Variants in LCA5L observed in about 807,000 individuals in gnomAD.
LCA5L encodes the protein lebercilin LCA5 like.
In LCA5L, 35 loss-of-function variants were observed where a neutral mutation model predicts 45.4. The ratio of observed to expected loss-of-function variants is 0.77; its 90% CI spans 0.59 to 1.02. The LOEUF (loss-of-function observed/expected upper bound fraction) is 1.02. LCA5L is among the 50% of genes least tolerant of loss of function. The pLI is 0.00. For missense variants in LCA5L, 668 were observed against 761.6 expected, an observed-to-expected ratio of 0.88 and a Z score of 1.45; for synonymous variants, 233 against 264.7, an observed-to-expected ratio of 0.88 and a Z score of 1.16.
In LCA5L at chr21:39,423,535, A is replaced by C. The variant is rs373986807; in HGVS notation, c.323-45T>G. 26 of 1,455,444 alleles carry C rather than the reference A, an allele frequency of 1.8e-5. No homozygotes were observed. The African/African-American group carries it at 3.4e-4, about 19-fold the overall frequency. The allele number at this position is 1,455,444 out of a possible 1,614,324, so 90.2% of individuals were successfully genotyped here. A position where few individuals can be genotyped will look rare whatever the true frequency, so the allele number is the denominator to read the frequency against. On this transcript the variant is annotated intron_variant, in intron 5 of 10. Transcript: ENST00000288350. ...AGTTTATTACTAGTAAAATATACAGATATGCAAATATGCACATATGCATAA... is the reference window on the plus strand; with the variant it reads ...AGTTTATTACTAGTAAAATATACAGCTATGCAAATATGCACATATGCATAA...
chr21:39,411,571 G>T, intron 8 of LCA5L, 147 bp downstream of exon 8: 1 of 462,794 alleles, frequency 2.2e-6, no homozygotes, highest in East Asian at 3.4e-5. Context: ...CACCATCTCA[G>T]TCTCGTTATT....
intron 7 of LCA5L, among the ~76,000 whole-genome samples, chr21:39,416,320 G>A (rs1041228548): frequency 9.9e-5 from 15 of 152,158 alleles, no homozygotes; most frequent in Admixed American, 9.2e-4. Flanking sequence ...GTTTTAACCT[G>A]GGCAGTTATC....
chr21:39,421,313 G>C (rs762553477), intron 6 of LCA5L, among the ~76,000 whole-genome samples: 8 of 152,208 alleles, frequency 5.3e-5, no homozygotes, highest in Middle Eastern at 3.4e-3. Context: ...TGTTGGCCAG[G>C]CTGGTCTCAA....
At position 39,410,116 on chromosome 21, in the gene LCA5L, C is replaced by T; in HGVS notation, c.1165-20G>A. Reference sequence around the variant, plus strand: ...TTTACCCTGTAATTTAGAAAAGCAGCAAAAACACATTTTGGGGGGTCTAGA... The same window carrying T: ...TTTACCCTGTAATTTAGAAAAGCAGTAAAAACACATTTTGGGGGGTCTAGA... On this transcript the variant is annotated intron_variant, in intron 9 of 10. Coordinates refer to ENST00000288350, the MANE Select transcript of LCA5L (RefSeq NM_152505.4). 6.5e-7 allele frequency: 1 copy of T among 1,528,134 alleles called. No homozygotes were observed. Among genetic ancestry groups the T allele is most frequent in the African/African-American group, 1.4e-5 (1 of 73,104 alleles). 94.7% of individuals were successfully genotyped at this position (1,528,134 alleles called of 1,614,324 possible).
At chr21:39,411,495 AG>A (rs2040079594) in intron 8 of LCA5L, among the ~76,000 whole-genome samples, 1 of 152,222 alleles carries the variant, frequency 6.6e-6, no homozygotes, top group African/African-American at 2.4e-5. Context: ...ACCTGAAGAA[AG>A]GACATAAAGG....
intron 5 of LCA5L, among the ~76,000 whole-genome samples, chr21:39,427,531 G>A (rs1218502564): frequency 2.0e-5 from 3 of 152,000 alleles, no homozygotes; most frequent in Admixed American, 1.3e-4. Flanking sequence ...GCGTGGTGGT[G>A]GGTGCCTGTA....
Position 39,418,877 on chromosome 21 carries a change from T to G in LCA5L, c.975+1829A>C, listed in dbSNP as rs76682807. 9.6e-3 allele frequency among the ~76,000 whole-genome samples: 1,469 copies of G among 152,266 alleles called. 12 individuals carry two copies. The highest frequency in any genetic ancestry group is 0.016 in the Non-Finnish European group (1,070 of 68,014). Reference sequence around the variant, plus strand: ...GGAAGCATAAAATTTATTTTAAAATTCCCCAATTGTGTCTCCATATGTGTG... The same window carrying G: ...GGAAGCATAAAATTTATTTTAAAATGCCCCAATTGTGTCTCCATATGTGTG... On this transcript the variant is annotated intron_variant, in intron 7 of 10. Transcript: ENST00000288350.
intron 6 of LCA5L, chr21:39,421,880 A>C (rs1352500977): frequency 6.6e-6 from 1 of 152,226 alleles, no homozygotes; most frequent in Non-Finnish European, 1.5e-5. Context: ...TTTTGTATCA[A>C]AGAAAATAGT....
intron 6 of LCA5L, among the ~76,000 whole-genome samples, chr21:39,421,172 G>A (rs953147667): frequency 2.7e-5 from 4 of 149,074 alleles, no homozygotes; most frequent in Admixed American, 2.0e-4. Flanking sequence ...GTGCGATCTC[G>A]GCTCACTGCA....
At position 39,420,822 on chromosome 21, in the gene LCA5L, ACCT is replaced by A; in HGVS notation, c.856_858del (p.Arg286del). ...TGCCGGCTAAAGGCTCTGCAGTTCA[ACCT>A]CAGTTGTTTTTCCAAGCTCTGAAAA... On this transcript the variant is annotated inframe_deletion, in exon 7 of 11. Coordinates refer to ENST00000288350, the MANE Select transcript of LCA5L (RefSeq NM_152505.4). The A allele has an allele frequency of 6.2e-7, 1 of 1,612,634 alleles. No individual in the cohort carries two copies. Among genetic ancestry groups the A allele is most frequent in the Non-Finnish European group, 8.5e-7 (1 of 1,178,864 alleles).
chr21:39,444,483 G>T (rs2077215427), intron 1 of LCA5L, among the ~76,000 whole-genome samples: 1 of 152,132 alleles, frequency 6.6e-6, no homozygotes, highest in Admixed American at 6.6e-5. Flanking sequence ...TATGGAAGTT[G>T]TAATTTATAT....
At chr21:39,441,869 G>A (rs185094542) in intron 2 of LCA5L, among the ~76,000 whole-genome samples, 5 of 152,226 alleles carry the variant, frequency 3.3e-5, no homozygotes, top group Admixed American at 1.3e-4. Flanking sequence ...AACACACGGC[G>A]CTTAGTATCT....
At position 39,409,072 on chromosome 21, in the gene LCA5L, G is replaced by A. The variant is rs965540062; in HGVS notation, c.1282+907C>T. ...TATATTTGGAGACTGGGTCTTTAAG[G>A]AAGTAATTAAGGTTAAATGAGATCA... On this transcript the variant is annotated intron_variant, in intron 10 of 10. Transcript: ENST00000288350. This position sits in a 1 kb window ranked among gnomAD's most constrained non-coding sequence, Gnocchi z 4.2. Among the ~76,000 whole-genome samples, 11 of 152,292 alleles carry A rather than the reference G, an allele frequency of 7.2e-5. No individual in the cohort carries two copies. Among genetic ancestry groups the A allele is most frequent in the Admixed American group, 6.5e-4 (10 of 15,298 alleles).
intron 7 of LCA5L, among the ~76,000 whole-genome samples, chr21:39,416,125 C>T (rs534366051): frequency 6.6e-6 from 1 of 152,274 alleles, no homozygotes; most frequent in Non-Finnish European, 1.5e-5. Context: ...GATCTTACCC[C>T]CTCACAAACG....
chr21:39,414,706 T>C (rs2040734622), intron 7 of LCA5L, among the ~76,000 whole-genome samples: 1 of 132,550 alleles, frequency 7.5e-6, no homozygotes, highest in African/African-American at 2.9e-5. Context: ...ATCTGTCTGG[T>C]TCTCTCCCTC....
intron 3 of LCA5L, among the ~76,000 whole-genome samples, chr21:39,432,456 A>T (rs2075832996): frequency 6.6e-6 from 1 of 151,564 alleles, no homozygotes; most frequent in South Asian, 2.1e-4. Context: ...CTGAGCGTAC[A>T]TATTTAACAC....
At chr21:39,411,646 T>G in intron 8 of LCA5L, 72 bp downstream of exon 8, 1 of 710,650 alleles carries the variant, frequency 1.4e-6, no homozygotes, top group Non-Finnish European at 2.4e-6. Flanking sequence ...TCCATTATTT[T>G]GTCTATATAA....
Position 39,444,168 on chromosome 21 carries a change from G to A in LCA5L, c.-279C>T, listed in dbSNP as rs566429153. 1.3e-4 allele frequency: 20 copies of A among 152,236 alleles called. No individual in the cohort carries two copies. Among genetic ancestry groups the A allele is most frequent in the Admixed American group, 2.6e-4 (4 of 15,298 alleles). 9.4% of individuals were successfully genotyped at this position (152,236 alleles called of 1,614,324 possible). ...ATGATCAGCATACGGATGATCATTT[G>A]TCTGCATCTCAGTTTGCCTCTTTTG... On this transcript the variant is annotated 5_prime_UTR_variant, in exon 2 of 11. Transcript: ENST00000288350.
intron 4 of LCA5L, 37 bp downstream of exon 4, chr21:39,429,094 C>T (rs977722987): frequency 2.4e-4 from 37 of 152,162 alleles, no homozygotes; most frequent in Non-Finnish European, 2.9e-5. Context: ...GCACTAAGGA[C>T]AATACCACCA....
Sources: gnomAD v4.1 joint callset for allele counts (sites outside exome capture counted in the v4.1 genomes callset) on GRCh38, gnomAD v4.1.1 for gene constraint, Gnocchi (gnomAD v3.1) non-coding constraint, MANE v1.5 for transcripts, NCBI Gene and HGNC (gene_info 2026-07-23, HGNC 2026-07-21) for gene names.